GFOD1: variants seen among roughly 807,000 people sequenced by gnomAD.
GFOD1 encodes the protein glucose-fructose oxidoreductase domain-containing protein 1.
A neutral mutation model predicts 25.4 loss-of-function variants in GFOD1; 9 were observed. The observed-to-expected ratio is 0.35, with a 90% confidence interval of 0.21 to 0.62. GFOD1 has a LOEUF of 0.62. Among genes scored for constraint, GFOD1 ranks in the 20% least tolerant of loss-of-function variants. The pLI, the probability that GFOD1 is intolerant of heterozygous loss-of-function variation, is 0.72. For missense variants in GFOD1, 403 were observed against 556.9 expected, an observed-to-expected ratio of 0.72 and a Z score of 2.78; for synonymous variants, 253 against 245.6, an observed-to-expected ratio of 1.03 and a Z score of -0.28.
At chr6:13,444,504 T>TA (rs1162861959) in intron 1 of GFOD1, among the ~76,000 whole-genome samples, 2 of 150,920 alleles carry the variant, frequency 1.3e-5, no homozygotes, top group African/African-American at 2.4e-5. Flanking sequence ...ATGCTCCTGT[T>TA]AAAAAAAAAA....
intron 1 of GFOD1, among the ~76,000 whole-genome samples, chr6:13,441,895 C>T (rs1245905586): frequency 6.6e-6 from 1 of 152,206 alleles, no homozygotes; most frequent in Non-Finnish European, 1.5e-5. Context: ...GTGGCTGCAG[C>T]CTGTCCTGGC....
At chr6:13,472,947 T>C (rs9474275) in intron 1 of GFOD1, among the ~76,000 whole-genome samples, 4,778 of 152,286 alleles carry the variant, frequency 0.031, 237 homozygotes, top group African/African-American at 0.11. Flanking sequence ...TCTCCCAAGA[T>C]GGCAGACTAC....
At chr6:13,412,140 C>A (rs1256978722) in intron 1 of GFOD1, among the ~76,000 whole-genome samples, 1 of 152,202 alleles carries the variant, frequency 6.6e-6, no homozygotes, top group Non-Finnish European at 1.5e-5. Flanking sequence ...GTGTTATGAG[C>A]TGAAGTGTGT....
intron 1 of GFOD1, among the ~76,000 whole-genome samples, chr6:13,462,249 A>G (rs1323663479): frequency 6.6e-6 from 1 of 152,186 alleles, no homozygotes; most frequent in African/African-American, 2.4e-5. Flanking sequence ...CATTATCTCT[A>G]TACAGAGAGA....
chr6:13,372,430 C>G (rs1488446807), intron 1 of GFOD1, among the ~76,000 whole-genome samples: 1 of 152,196 alleles, frequency 6.6e-6, no homozygotes, highest in Non-Finnish European at 1.5e-5. Flanking sequence ...GTTTCCAGCC[C>G]AGAGACCCTA....
intron 1 of GFOD1, among the ~76,000 whole-genome samples, chr6:13,432,921 A>C (rs1757776347): frequency 6.6e-6 from 1 of 152,144 alleles, no homozygotes; most frequent in African/African-American, 2.4e-5. Flanking sequence ...ACTTGCCCCA[A>C]ACCAGCTTCC....
Position 13,363,211 on chromosome 6 carries a change from CTGTGTGTGTGTGTG to C in GFOD1, c.*1518_*1531del. The stretch of plus-strand genomic sequence containing the variant: ...TTGTCGGTAGCAACCATTCAAAAAT[CTGTGTGTGTGTGTG>C]TGTGTGTGTGTGTGCACGTGCATGT... On this transcript the variant is annotated 3_prime_UTR_variant, in exon 2 of 2. Transcript: ENST00000379287. The C allele has an allele frequency of 6.7e-6, 1 of 148,734 alleles. No individual in the cohort carries two copies. Among genetic ancestry groups the C allele is most frequent in the African/African-American group, 2.5e-5 (1 of 40,350 alleles). The allele number at this position is 148,734 out of a possible 1,614,324, so 9.2% of individuals were successfully genotyped here.
intron 1 of GFOD1, among the ~76,000 whole-genome samples, chr6:13,403,937 G>A (rs895295012): frequency 6.6e-5 from 10 of 152,200 alleles, no homozygotes; most frequent in Non-Finnish European, 1.3e-4. Flanking sequence ...TTCTAAAATT[G>A]ATTATGGAGA....
chr6:13,371,327 C>T (rs1343327395), intron 1 of GFOD1, among the ~76,000 whole-genome samples: 2 of 152,198 alleles, frequency 1.3e-5, no homozygotes, highest in Admixed American at 6.5e-5. Flanking sequence ...GCCATCTGCA[C>T]TTTCTTACTC....
intron 1 of GFOD1, among the ~76,000 whole-genome samples, chr6:13,417,814 C>T (rs191216363): frequency 2.8e-4 from 42 of 152,204 alleles, no homozygotes; most frequent in African/African-American, 8.4e-4. Context: ...ATGTTTTTGT[C>T]GAAACAACAA....
intron 1 of GFOD1, among the ~76,000 whole-genome samples, chr6:13,408,414 T>C (rs1198160593): frequency 6.6e-6 from 1 of 152,174 alleles, no homozygotes; most frequent in Non-Finnish European, 1.5e-5. Flanking sequence ...ACAGCATTAA[T>C]TGTGAAGCGA....
rs1311166609 is a variant in GFOD1 at position 13,414,632 on chromosome 6, C to G, written c.254-48970G>C. Among the ~76,000 whole-genome samples the G allele has an allele frequency of 3.3e-5, 5 of 152,300 alleles. 1 individual carries two copies. Among genetic ancestry groups the G allele is most frequent in the African/African-American group, 9.6e-5 (4 of 41,568 alleles). On this transcript the variant is annotated intron_variant, in intron 1 of 1. Coordinates refer to ENST00000379287, the MANE Select transcript of GFOD1 (RefSeq NM_018988.4). ...CATCTGTAAAATGGAGACCAATAAA[C>G]AGCATGCATATCATAGGCATGTTGG...
chr6:13,474,426 C>T (rs1424221886), intron 1 of GFOD1, among the ~76,000 whole-genome samples: 1 of 152,054 alleles, frequency 6.6e-6, no homozygotes, highest in Non-Finnish European at 1.5e-5. Flanking sequence ...TTTTTTTCCC[C>T]TTTGCCTTAG....
intron 1 of GFOD1, among the ~76,000 whole-genome samples, chr6:13,387,099 T>C (rs1018295752): frequency 3.3e-5 from 5 of 152,166 alleles, no homozygotes; most frequent in African/African-American, 9.7e-5. Context: ...CTCAGTTACA[T>C]AGGCATACAC....
chr6:13,482,098 G>A (rs1758764747), intron 1 of GFOD1, among the ~76,000 whole-genome samples: 1 of 148,732 alleles, frequency 6.7e-6, no homozygotes, highest in Non-Finnish European at 1.5e-5. Context: ...TATATTATAT[G>A]TTATATATTG....
At chr6:13,432,947 G>A (rs1757776946) in intron 1 of GFOD1, among the ~76,000 whole-genome samples, 1 of 152,066 alleles carries the variant, frequency 6.6e-6, no homozygotes, top group African/African-American at 2.4e-5. Context: ...TATATCTCTG[G>A]TCATATAACA....
chr6:13,419,984 G>T (rs751161619), intron 1 of GFOD1, among the ~76,000 whole-genome samples: 3 of 152,208 alleles, frequency 2.0e-5, no homozygotes, highest in Non-Finnish European at 4.4e-5. Flanking sequence ...AGGGGATGCA[G>T]TCATCTCTCT....
At chr6:13,408,250 G>T in intron 1 of GFOD1, 1 of 230,740 alleles carries the variant, frequency 4.3e-6, no homozygotes, top group Non-Finnish European at 7.2e-6. Context: ...CCTTCTTAGA[G>T]CAGGACCTAG....
intron 1 of GFOD1, among the ~76,000 whole-genome samples, chr6:13,392,127 T>C (rs769832873): frequency 7.9e-5 from 12 of 152,028 alleles, no homozygotes; most frequent in Non-Finnish European, 1.6e-4. Flanking sequence ...CTCAGGAGGC[T>C]GAGGTGGACA....
Sources: allele counts gnomAD v4.1 joint callset (sites outside exome capture counted in the v4.1 genomes callset), GRCh38; gene constraint gnomAD v4.1.1; transcripts MANE v1.5; gene names NCBI Gene and HGNC (gene_info 2026-07-23, HGNC 2026-07-21).